The following FGF12 variants were observed in gnomAD, a reference collection of about 807,000 sequenced individuals.
The protein encoded by FGF12 is fibroblast growth factor 12.
Under a neutral mutation model 23.6 loss-of-function variants are expected in FGF12, and 14 were observed. That is an observed-to-expected ratio of 0.59 (90% CI 0.39 to 0.93). The LOEUF is 0.93. FGF12 is among the 40% of genes least tolerant of loss of function. The pLI is 0.00. For missense variants in FGF12, 175 were observed against 217.8 expected, an observed-to-expected ratio of 0.80 and a Z score of 1.24; for synonymous variants, 62 against 77.3, an observed-to-expected ratio of 0.80 and a Z score of 1.04.
intron 2 of FGF12, among the ~76,000 whole-genome samples, chr3:192,503,917 T>G (rs1196936775): frequency 6.6e-6 from 1 of 152,148 alleles, no homozygotes; most frequent in East Asian, 1.9e-4. Flanking sequence ...CACCGTTCAC[T>G]TTGCAAAGAC....
chr3:192,508,884 G>A (rs368232251), intron 2 of FGF12, among the ~76,000 whole-genome samples: 1 of 152,092 alleles, frequency 6.6e-6, no homozygotes, highest in African/African-American at 2.4e-5. Context: ...TCCTTGAGGT[G>A]ACTTCTACCA....
chr3:192,679,157 G>T (rs1376097244), intron 2 of FGF12, among the ~76,000 whole-genome samples: 2 of 152,154 alleles, frequency 1.3e-5, no homozygotes, highest in African/African-American at 4.8e-5. Context: ...AGCAAATAGA[G>T]GAGGCACGGA....
In FGF12 at chr3:192,341,416, A is replaced by C. The variant is rs150992101; in HGVS notation, c.125-5952T>G. Among the ~76,000 whole-genome samples the C allele has an allele frequency of 2.0e-3, 298 of 152,280 alleles. 5 individuals are homozygous for C. Among genetic ancestry groups the C allele is most frequent in the African/African-American group, 6.8e-3 (284 of 41,566 alleles). The stretch of plus-strand genomic sequence containing the variant: ...TATATATCCATAATAATGGGAAGGA[A>C]ATTTATAGACTTGCTGCTATCAGGC... On this transcript the variant is annotated intron_variant, in intron 3 of 5. Coordinates refer to ENST00000445105, the MANE Select transcript of FGF12 (RefSeq NM_004113.6).
chr3:192,579,658 C>G (rs1713052843), intron 2 of FGF12, among the ~76,000 whole-genome samples: 1 of 152,166 alleles, frequency 6.6e-6, no homozygotes, highest in South Asian at 2.1e-4. Flanking sequence ...GGTTCAATGC[C>G]TCTGGGATTC....
At chr3:192,460,552 C>T (rs951087018) in intron 2 of FGF12, among the ~76,000 whole-genome samples, 1 of 151,950 alleles carries the variant, frequency 6.6e-6, no homozygotes, top group Non-Finnish European at 1.5e-5. Context: ...TGCTCTGCAA[C>T]CAGCAAGCAC....
chr3:192,718,161 C>CTTTTTTTTTTTTTTTT (rs71177369), intron 2 of FGF12, among the ~76,000 whole-genome samples: 2 of 77,970 alleles, frequency 2.6e-5, no homozygotes, highest in African/African-American at 4.9e-5. Flanking sequence ...GTTAGTCTTT[C>CTTTTTTTTTTTTTTTT]TTTTTTTTTT....
At chr3:192,162,821 T>A in intron 5 of FGF12, among the ~76,000 whole-genome samples, 1 of 152,142 alleles carries the variant, frequency 6.6e-6, no homozygotes, top group Non-Finnish European at 1.5e-5. Context: ...TCTTATTATG[T>A]AGTTTTGAAG....
chr3:192,454,754 T>C (rs1358351722), intron 2 of FGF12, among the ~76,000 whole-genome samples: 1 of 152,148 alleles, frequency 6.6e-6, no homozygotes. Context: ...TTTAAAATGA[T>C]ACTGATTGTT....
intron 2 of FGF12, among the ~76,000 whole-genome samples, chr3:192,405,696 A>G (rs576232798): frequency 2.0e-5 from 3 of 152,146 alleles, no homozygotes; most frequent in Non-Finnish European, 4.4e-5. Flanking sequence ...ACTTCCTCCC[A>G]ATCCAACTAA....
chr3:192,664,605 C>CAAAAAAAAAAAAAAAA (rs763256973), intron 2 of FGF12, among the ~76,000 whole-genome samples: 1 of 111,922 alleles, frequency 8.9e-6, no homozygotes, highest in African/African-American at 3.5e-5. Context: ...AAAAAAAATA[C>CAAAAAAAAAAAAAAAA]AAAAAAAAAA....
At chr3:192,495,253 TACA>T (rs1329330489) in intron 2 of FGF12, among the ~76,000 whole-genome samples, 5 of 152,296 alleles carry the variant, frequency 3.3e-5, no homozygotes, top group East Asian at 3.9e-4. Flanking sequence ...AACAAAGCTA[TACA>T]ACAACATACA....
intron 2 of FGF12, among the ~76,000 whole-genome samples, chr3:192,663,317 C>A (rs1716738652): frequency 6.6e-6 from 1 of 152,128 alleles, no homozygotes; most frequent in Admixed American, 6.5e-5. Flanking sequence ...ATTAATGGTA[C>A]AATAGTACTC....
At chr3:192,161,179 C>G (rs963827929) in intron 5 of FGF12, among the ~76,000 whole-genome samples, 48 of 152,108 alleles carry the variant, frequency 3.2e-4, no homozygotes, top group African/African-American at 1.2e-3. Flanking sequence ...GGCATGACCC[C>G]TAACCACCAC....
At chr3:192,672,196 G>A (rs542988490) in intron 2 of FGF12, among the ~76,000 whole-genome samples, 2 of 143,218 alleles carry the variant, frequency 1.4e-5, no homozygotes, top group South Asian at 2.1e-4. Context: ...AGAGCCTGGG[G>A]TGGGTAGGAG....
chr3:192,508,821 C>T (rs1724388367), intron 2 of FGF12, among the ~76,000 whole-genome samples: 1 of 152,144 alleles, frequency 6.6e-6, no homozygotes, highest in Admixed American at 6.5e-5. Context: ...CTCCTAAATG[C>T]TTTTCAAGCT....
chr3:192,704,888 T>C (rs1199680959), intron 2 of FGF12, among the ~76,000 whole-genome samples: 1 of 152,254 alleles, frequency 6.6e-6, no homozygotes, highest in African/African-American at 2.4e-5. Context: ...AGATGGCTTC[T>C]TTCCTTAAAC....
chr3:192,481,227 T>C (rs1332472563), intron 2 of FGF12, among the ~76,000 whole-genome samples: 5 of 152,146 alleles, frequency 3.3e-5, no homozygotes, highest in Non-Finnish European at 5.9e-5. Context: ...ATACATTTCA[T>C]GTAAGGGTAC....
intron 4 of FGF12, among the ~76,000 whole-genome samples, chr3:192,214,743 A>G (rs962111873): frequency 6.6e-6 from 1 of 152,276 alleles, no homozygotes; most frequent in African/African-American, 2.4e-5. Flanking sequence ...AGCTGTCTTA[A>G]ATATCAACAT....
At chr3:192,504,519 T>G (rs1724235729) in intron 2 of FGF12, among the ~76,000 whole-genome samples, 1 of 152,166 alleles carries the variant, frequency 6.6e-6, no homozygotes, top group African/African-American at 2.4e-5. Flanking sequence ...CTTCTCACTC[T>G]TTTCCAGGGA....
Sources: allele counts gnomAD v4.1 joint callset (sites outside exome capture counted in the v4.1 genomes callset), GRCh38; gene constraint gnomAD v4.1.1; transcripts MANE v1.5; gene names NCBI Gene and HGNC (gene_info 2026-07-23, HGNC 2026-07-21).